The following GNAT3 variants were observed in gnomAD, a reference collection of about 807,000 sequenced individuals.
GNAT3 encodes the protein guanine nucleotide-binding protein G(t) subunit alpha-3.
GNAT3 carries 31 observed loss-of-function variants against 37.7 expected under a neutral mutation model. The observed-to-expected ratio is 0.82, with a 90% CI of 0.62 to 1.11. The LOEUF (loss-of-function observed/expected upper bound fraction) is 1.11, where lower values mean the gene tolerates loss of function less well. GNAT3 is among the 50% of genes most tolerant of loss of function. The pLI, the probability that GNAT3 is intolerant of heterozygous loss-of-function variation, is 0.00. For missense variants in GNAT3, 437 were observed against 412.5 expected (o/e 1.06, Z -0.51); for synonymous variants, 138 against 139.8 (o/e 0.99, Z 0.09).
At chr7:80,504,178 T>C (rs1427771839) in intron 1 of GNAT3, among the ~76,000 whole-genome samples, 2 of 152,130 alleles carry the variant, frequency 1.3e-5, no homozygotes, top group East Asian at 3.9e-4. Context: ...TAGCCAGGTG[T>C]GGTGGCACAC....
rs1342268716 is a variant in GNAT3 at position 80,462,557 on chromosome 7, A to G, written c.665T>C (p.Ile222Thr). The G allele has an allele frequency of 1.2e-6, 2 of 1,613,228 alleles. No individual in the cohort carries two copies. Among genetic ancestry groups the G allele is most frequent in the Non-Finnish European group, 1.7e-6 (2 of 1,179,332 alleles). Residue 222 changes from isoleucine to threonine, a missense_variant, in exon 6 of 8, where the codon ATA becomes ACA. Transcript: ENST00000398291. ...ATAGGCACTAAGTGCAGCACAAAAT[A>G]TAATGCATGTAACTCCTTCAAAGCA... ...IHCFEGVTCIIFCAALSAYDM... is the reference protein window; with the variant it reads ...IHCFEGVTCITFCAALSAYDM...
chr7:80,465,844 G>A (rs943643496), intron 5 of GNAT3, among the ~76,000 whole-genome samples: 19 of 151,990 alleles, frequency 1.3e-4, no homozygotes, highest in African/African-American at 4.6e-4. Flanking sequence ...AGTACATATA[G>A]GCTCCATTTG....
intron 3 of GNAT3, among the ~76,000 whole-genome samples, chr7:80,481,919 A>T (rs12666914): frequency 0.064 from 9,714 of 152,250 alleles, 352 homozygotes; most frequent in East Asian, 0.1. Context: ...AAAATGTTTG[A>T]ATCCACCTAT....
chr7:80,505,368 T>C (rs1480907596), intron 1 of GNAT3, among the ~76,000 whole-genome samples: 1 of 152,172 alleles, frequency 6.6e-6, no homozygotes, highest in Non-Finnish European at 1.5e-5. Context: ...TTTTTAAATT[T>C]ATTTTTCTTT....
rs540264709 is a variant in GNAT3 at position 80,503,794 on chromosome 7, A to G, written c.118+8015T>C. On this transcript the variant is annotated intron_variant, in intron 1 of 7. Coordinates refer to ENST00000398291, the MANE Select transcript of GNAT3 (RefSeq NM_001102386.3). Reference sequence around the variant, plus strand: ...CACTGACAGATACAAGGAATTTATGAATATGGGTCAACAAATTGAGCAAAA... The same window carrying G: ...CACTGACAGATACAAGGAATTTATGGATATGGGTCAACAAATTGAGCAAAA... Among the ~76,000 whole-genome samples, 298 of 152,334 alleles carry G rather than the reference A, an allele frequency of 2.0e-3. 2 individuals are homozygous for G. The highest frequency in any genetic ancestry group is 6.8e-3 in the African/African-American group (282 of 41,588).
intron 5 of GNAT3, among the ~76,000 whole-genome samples, chr7:80,472,743 G>A (rs942436069): frequency 1.3e-5 from 2 of 152,154 alleles, no homozygotes; most frequent in Non-Finnish European, 2.9e-5. Flanking sequence ...GCTTATGAAA[G>A]GTAAGCTACA....
chr7:80,487,630 C>T (rs1343549637), intron 3 of GNAT3: 1 of 152,156 alleles, frequency 6.6e-6, no homozygotes, highest in Non-Finnish European at 1.5e-5. Context: ...GTTCAAATGA[C>T]TCCTCTTTCT....
chr7:80,506,671 A>G (rs1790947403), intron 1 of GNAT3, among the ~76,000 whole-genome samples: 2 of 152,190 alleles, frequency 1.3e-5, no homozygotes, highest in Non-Finnish European at 2.9e-5. Flanking sequence ...AAGCAGTTTT[A>G]AACATTCGCA....
chr7:80,490,219 T>A (rs997150677), intron 2 of GNAT3, among the ~76,000 whole-genome samples: 1 of 152,280 alleles, frequency 6.6e-6, no homozygotes. Flanking sequence ...AGTCACTAGA[T>A]GATTAATTAA....
At chr7:80,491,770 G>A (rs916907379) in intron 2 of GNAT3, among the ~76,000 whole-genome samples, 37 of 152,128 alleles carry the variant, frequency 2.4e-4, no homozygotes, top group African/African-American at 8.9e-4. Flanking sequence ...TGATGAAAAT[G>A]GCTGAAAGTG....
intron 1 of GNAT3, among the ~76,000 whole-genome samples, chr7:80,498,242 C>T (rs1383913924): frequency 6.6e-6 from 1 of 152,006 alleles, no homozygotes; most frequent in East Asian, 1.9e-4. Flanking sequence ...ATTTCTAAGG[C>T]TACAGGGTAT....
At position 80,478,857 on chromosome 7, in the gene GNAT3, T is replaced by G; in HGVS notation, c.445A>C (p.Asn149His). Residue 149 changes from asparagine to histidine, a missense_variant, in exon 4 of 8, where the codon AAT becomes CAT. By Grantham distance (68) the Asn-to-His change is moderately conservative. Coordinates refer to ENST00000398291, the MANE Select transcript of GNAT3 (RefSeq NM_001102386.3). Reference protein sequence around the residue: ...CFERASEYQLNDSAAYYLNDL... With the variant: ...CFERASEYQLHDSAAYYLNDL... ...TTCACTTACTAAGCTGCTGAGTCAT[T>G]GAGCTGATATTCAGATGCCCTTTCA... 1 of 1,613,304 alleles carries G rather than the reference T, an allele frequency of 6.2e-7. No individual in the cohort carries two copies. Among genetic ancestry groups the G allele is most frequent in the Admixed American group, 1.7e-5 (1 of 59,948 alleles).
chr7:80,467,975 T>C (rs1562720533), intron 5 of GNAT3, among the ~76,000 whole-genome samples: 1 of 152,012 alleles, frequency 6.6e-6, no homozygotes, highest in Non-Finnish European at 1.5e-5. Context: ...TAATATGTAT[T>C]TTGTTATTAA....
intron 3 of GNAT3, among the ~76,000 whole-genome samples, chr7:80,486,011 A>G (rs1790472059): frequency 6.6e-6 from 1 of 152,180 alleles, no homozygotes; most frequent in African/African-American, 2.4e-5. Flanking sequence ...GCAAATGGCT[A>G]TATAAAAGTA....
At position 80,497,594 on chromosome 7, in the gene GNAT3, GTATATACA is replaced by G. The variant is rs1182956362; in HGVS notation, c.119-2955_119-2948del. 9.2e-3 allele frequency among the ~76,000 whole-genome samples: 1,209 copies of G among 130,966 alleles called. 35 individuals are homozygous for G. The highest frequency in any genetic ancestry group is 0.013 in the Non-Finnish European group (828 of 62,712). 85.9% of individuals were successfully genotyped at this position (130,966 alleles called of 152,430 possible). ...TATACATATACGTATATACATATACGTATATACATATACGTATATACATATACGTATAT... is the reference window on the plus strand; with the variant it reads ...TATACATATACGTATATACATATACGTATACGTATATACATATACGTATAT... On this transcript the variant is annotated intron_variant, in intron 1 of 7. Transcript: ENST00000398291.
At chr7:80,473,928 T>C (rs951775317) in intron 5 of GNAT3, among the ~76,000 whole-genome samples, 1 of 152,166 alleles carries the variant, frequency 6.6e-6, no homozygotes, top group African/African-American at 2.4e-5. Flanking sequence ...GGCACCCATT[T>C]CTTGTATGTT....
intron 1 of GNAT3, among the ~76,000 whole-genome samples, chr7:80,499,374 A>T (rs1343642037): frequency 6.6e-6 from 1 of 152,122 alleles, no homozygotes; most frequent in Non-Finnish European, 1.5e-5. Context: ...TTAGTATGAG[A>T]GCGGTGTACT....
intron 1 of GNAT3, among the ~76,000 whole-genome samples, chr7:80,504,760 TATA>T (rs1290531407): frequency 6.6e-6 from 1 of 152,144 alleles, no homozygotes; most frequent in African/African-American, 2.4e-5. Flanking sequence ...CTAGTGAAAA[TATA>T]AGAATACGTG....
At chr7:80,511,407 T>C (rs1019478992) in intron 1 of GNAT3, among the ~76,000 whole-genome samples, 1 of 152,114 alleles carries the variant, frequency 6.6e-6, no homozygotes, top group African/African-American at 2.4e-5. Context: ...CGTCAAACAA[T>C]TCAACCTATT....
Sources: gnomAD v4.1 joint callset for allele counts (sites outside exome capture counted in the v4.1 genomes callset) on GRCh38, gnomAD v4.1.1 for gene constraint, MANE v1.5 for transcripts, NCBI Gene and HGNC (gene_info 2026-07-23, HGNC 2026-07-21) for gene names.